Variants in VWC2 observed in about 807,000 individuals in gnomAD.
The protein encoded by VWC2 is brorin.
In VWC2, 14 loss-of-function variants were observed where a neutral mutation model predicts 29.8. That is an observed-to-expected ratio of 0.47 (90% CI 0.31 to 0.74). The LOEUF (loss-of-function observed/expected upper bound fraction) is 0.74. VWC2 is among the 30% of genes least tolerant of loss of function. VWC2 has a pLI of 0.05. For missense variants in VWC2, 457 were observed against 459.8 expected (o/e 0.99, Z 0.05); for synonymous variants, 213 against 199.0 (o/e 1.07, Z -0.59).
At chr7:49,898,904 C>G (rs57033478) in intron 3 of VWC2, among the ~76,000 whole-genome samples, 1 of 151,694 alleles carries the variant, frequency 6.6e-6, no homozygotes, top group East Asian at 1.9e-4. Flanking sequence ...ATTAAAGCCA[C>G]AAAAAGCATA....
intron 3 of VWC2, among the ~76,000 whole-genome samples, chr7:49,868,777 C>G (rs1158055691): frequency 6.6e-6 from 1 of 152,134 alleles, no homozygotes. Context: ...GCCACCATGC[C>G]TGGCTAATTT....
intron 3 of VWC2, among the ~76,000 whole-genome samples, chr7:49,837,845 C>T (rs1789699051): frequency 6.6e-6 from 1 of 152,098 alleles, no homozygotes; most frequent in African/African-American, 2.4e-5. Context: ...CTAGGAGGAG[C>T]ATATTTATTT....
chr7:49,802,579 G>A (rs938618162), intron 2 of VWC2, 132 bp from the exon 3 acceptor site: 31 of 1,225,532 alleles, frequency 2.5e-5, no homozygotes, highest in Middle Eastern at 4.5e-4. Flanking sequence ...CAGAGGTTGC[G>A]GTGAGCCGAG....
chr7:49,898,180 ATATATGTGTG>A (rs1237610857), intron 3 of VWC2, among the ~76,000 whole-genome samples: 6 of 151,942 alleles, frequency 3.9e-5, no homozygotes, highest in African/African-American at 1.5e-4. Context: ...GTGTGTGTGT[ATATATGTGTG>A]TGTATATATG....
intron 2 of VWC2, among the ~76,000 whole-genome samples, chr7:49,781,947 A>G (rs1013920684): frequency 1.3e-5 from 2 of 152,198 alleles, no homozygotes; most frequent in Non-Finnish European, 2.9e-5. Flanking sequence ...AAAGAAGACT[A>G]GATCCCAAGA....
chr7:49,885,126 T>C (rs561517416), intron 3 of VWC2, among the ~76,000 whole-genome samples: 1 of 152,180 alleles, frequency 6.6e-6, no homozygotes, highest in African/African-American at 2.4e-5. Context: ...ACTAAAAGTA[T>C]CTCTAAAGGA....
chr7:49,815,324 G>A (rs375940336), intron 3 of VWC2, among the ~76,000 whole-genome samples: 3 of 152,210 alleles, frequency 2.0e-5, no homozygotes, highest in East Asian at 1.9e-4. Flanking sequence ...CAATGTATAT[G>A]GCCTTTTTTG....
chr7:49,841,805 A>C (rs1583664054), intron 3 of VWC2, among the ~76,000 whole-genome samples: 1 of 152,222 alleles, frequency 6.6e-6, no homozygotes, highest in East Asian at 1.9e-4. Context: ...AATCATGACC[A>C]AAGCAATTGT....
intron 2 of VWC2, among the ~76,000 whole-genome samples, chr7:49,781,540 A>C (rs2128701568): frequency 6.6e-6 from 1 of 152,254 alleles, no homozygotes; most frequent in African/African-American, 2.4e-5. Flanking sequence ...AGGTCCGAAA[A>C]AGTTAAATAG....
chr7:49,904,334 CT>C (rs1792961564), intron 3 of VWC2, among the ~76,000 whole-genome samples: 1 of 152,196 alleles, frequency 6.6e-6, no homozygotes, highest in African/African-American at 2.4e-5. Context: ...TAAGCTGTAA[CT>C]TTGGGAAAAA....
At chr7:49,856,635 T>C (rs1259882914) in intron 3 of VWC2, among the ~76,000 whole-genome samples, 1 of 152,144 alleles carries the variant, frequency 6.6e-6, no homozygotes, top group Non-Finnish European at 1.5e-5. Flanking sequence ...GACATAAGTA[T>C]ACCCTCATGT....
intron 3 of VWC2, among the ~76,000 whole-genome samples, chr7:49,853,922 T>C (rs1790306938): frequency 7.0e-6 from 1 of 142,036 alleles, no homozygotes; most frequent in African/African-American, 2.6e-5. Flanking sequence ...TGTCCAAATG[T>C]TTTCATTGTT....
intron 2 of VWC2, among the ~76,000 whole-genome samples, chr7:49,778,917 C>T (rs76192437): frequency 0.028 from 4,333 of 152,264 alleles, 187 homozygotes; most frequent in African/African-American, 0.097. Context: ...GTGGTACAGT[C>T]GGGTCATGCC....
chr7:49,897,999 A>G (rs1343211673), intron 3 of VWC2, among the ~76,000 whole-genome samples: 1 of 152,180 alleles, frequency 6.6e-6, no homozygotes, highest in Non-Finnish European at 1.5e-5. Flanking sequence ...ACTGTTTAAC[A>G]AGAACTTAAC....
chr7:49,790,171 G>A (rs997788201), intron 2 of VWC2, among the ~76,000 whole-genome samples: 3 of 152,204 alleles, frequency 2.0e-5, no homozygotes, highest in African/African-American at 7.2e-5. Flanking sequence ...AGTTCCTGTT[G>A]ATCTGTATTA....
At chr7:49,879,923 C>G (rs561550288) in intron 3 of VWC2, among the ~76,000 whole-genome samples, 21 of 152,252 alleles carry the variant, frequency 1.4e-4, no homozygotes, top group Middle Eastern at 3.4e-3. Flanking sequence ...AGATGAGATT[C>G]ATCACAGGTT....
chr7:49,783,681 T>G (rs1373643368), intron 2 of VWC2, among the ~76,000 whole-genome samples: 1 of 152,188 alleles, frequency 6.6e-6, no homozygotes, highest in Non-Finnish European at 1.5e-5. Flanking sequence ...AAAAGGATGA[T>G]GTCAGGCCTC....
At chr7:49,865,861 C>T (rs78606659) in intron 3 of VWC2, among the ~76,000 whole-genome samples, 4,192 of 152,278 alleles carry the variant, frequency 0.028, 161 homozygotes, top group South Asian at 0.12. Context: ...CCGGATGTCT[C>T]TCTACTTTGG....
intron 3 of VWC2, among the ~76,000 whole-genome samples, chr7:49,838,952 C>T (rs898666588): frequency 2.0e-5 from 3 of 152,058 alleles, no homozygotes; most frequent in Non-Finnish European, 4.4e-5. Context: ...CCCAGTGTGA[C>T]AGAATTTAGA....
Sources: allele counts gnomAD v4.1 joint callset (sites outside exome capture counted in the v4.1 genomes callset), GRCh38; gene constraint gnomAD v4.1.1; transcripts MANE v1.5; gene names NCBI Gene and HGNC (gene_info 2026-07-23, HGNC 2026-07-21).